TRDN: variants seen among roughly 807,000 people sequenced by gnomAD.
TRDN encodes triadin in skeletal muscle.
Under a neutral mutation model 149.7 loss-of-function variants are expected in TRDN, and 161 were observed. The observed-to-expected ratio is 1.08, with a 90% CI of 0.95 to 1.23. The LOEUF (loss-of-function observed/expected upper bound fraction) is 1.23. Among genes scored for constraint, TRDN ranks in the 50% most tolerant of loss-of-function variants. The pLI, the probability that TRDN is intolerant of heterozygous loss-of-function variation, is 0.00. For missense variants in TRDN, 896 were observed against 823.5 expected (o/e 1.09, Z -1.08); for synonymous variants, 294 against 250.5 (o/e 1.17, Z -1.64).
At chr6:123,261,749 T>A (rs1776778954) in intron 33 of TRDN, among the ~76,000 whole-genome samples, 1 of 151,886 alleles carries the variant, frequency 6.6e-6, no homozygotes, top group South Asian at 2.1e-4. Flanking sequence ...ATATAGTACT[T>A]TAAAATGGCT....
At position 123,352,428 on chromosome 6, in the gene TRDN, A is replaced by T. The variant is rs192602935; in HGVS notation, c.1369+111T>A. ...AAAACATGCAAGGACAGTGATAAAG[A>T]GTAATAGACTTAAAGGTTATTGTCT... On this transcript the variant is annotated intron_variant, in intron 21 of 40. Transcript: ENST00000334268. The T allele has an allele frequency of 5.4e-6, 8 of 1,482,750 alleles. No homozygotes were observed. In the Admixed American group the frequency reaches 1.3e-4, roughly 25 times the overall value. 91.8% of individuals were successfully genotyped at this position (1,482,750 alleles called of 1,614,324 possible).
chr6:123,311,834 A>G (rs1483177682), intron 24 of TRDN, among the ~76,000 whole-genome samples: 4 of 152,002 alleles, frequency 2.6e-5, no homozygotes, highest in Admixed American at 6.6e-5. Flanking sequence ...GATGTTGTGC[A>G]TGACTTCACA....
At chr6:123,534,466 C>A (rs371506114) in intron 4 of TRDN, among the ~76,000 whole-genome samples, 2 of 152,106 alleles carry the variant, frequency 1.3e-5, no homozygotes, top group African/African-American at 4.8e-5. Flanking sequence ...CTCCACATGG[C>A]GTGCCAGTTC....
intron 12 of TRDN, among the ~76,000 whole-genome samples, chr6:123,417,687 CA>C (rs1773712807): frequency 6.6e-6 from 1 of 152,162 alleles, no homozygotes; most frequent in Admixed American, 6.5e-5. Flanking sequence ...CACATGCATT[CA>C]ACCTGTGCAA....
intron 38 of TRDN, among the ~76,000 whole-genome samples, chr6:123,251,018 T>A (rs576819913): frequency 8.5e-5 from 13 of 152,272 alleles, no homozygotes; most frequent in East Asian, 3.9e-4. Flanking sequence ...AAGGCAAAAA[T>A]CTTGGCATTA....
At chr6:123,350,351 G>A (rs1490490034) in intron 21 of TRDN, 2 of 944,954 alleles carry the variant, frequency 2.1e-6, no homozygotes, top group East Asian at 2.3e-4. Flanking sequence ...AGATCACAAA[G>A]TGTACTTAAA....
At chr6:123,379,641 T>C (rs1213850060) in intron 16 of TRDN, among the ~76,000 whole-genome samples, 1 of 152,132 alleles carries the variant, frequency 6.6e-6, no homozygotes, top group Non-Finnish European at 1.5e-5. Flanking sequence ...CTCAATCTTA[T>C]CAGAAAGCTG....
chr6:123,343,046 A>G (rs1780122392), intron 21 of TRDN, among the ~76,000 whole-genome samples: 1 of 152,094 alleles, frequency 6.6e-6, no homozygotes, highest in South Asian at 2.1e-4. Context: ...ATGATTAGCC[A>G]TTTTCCAATT....
At chr6:123,558,792 C>T (rs552783138) in intron 2 of TRDN, among the ~76,000 whole-genome samples, 1 of 152,314 alleles carries the variant, frequency 6.6e-6, no homozygotes, top group East Asian at 1.9e-4. Context: ...TTCTGAGTTG[C>T]AATTCCTTGC....
chr6:123,585,676 A>T (rs540177149), intron 1 of TRDN, among the ~76,000 whole-genome samples: 1 of 152,294 alleles, frequency 6.6e-6, no homozygotes, highest in African/African-American at 2.4e-5. Context: ...GGTTCCGTAC[A>T]GATGGGACGT....
chr6:123,512,772 A>G (rs967383264), intron 6 of TRDN, among the ~76,000 whole-genome samples: 1 of 150,196 alleles, frequency 6.7e-6, no homozygotes, highest in East Asian at 1.9e-4. Context: ...TTCAATATTT[A>G]CATACTATTT....
chr6:123,255,095 T>C lies in TRDN; in HGVS notation c.1937A>G (p.His646Arg). The stretch of plus-strand genomic sequence containing the variant: ...TTCAAGATTACCTTTTGTCACATTG[T>C]GTAATTGAAGACTTTCTTTTCTTGT... ...VSTRKESLQL[H>R]NVTKAEKPAR... Residue 646 changes from histidine to arginine, a missense_variant, in exon 37 of 41, where the codon CAC becomes CGC. Physicochemically the swap from His to Arg is conservative, Grantham distance 29. Transcript: ENST00000334268. The C allele has an allele frequency of 7.2e-7, 1 of 1,380,650 alleles. No homozygotes were observed. Among genetic ancestry groups the C allele is most frequent in the Non-Finnish European group, 9.9e-7 (1 of 1,013,690 alleles). 85.5% of individuals were successfully genotyped at this position (1,380,650 alleles called of 1,614,324 possible). A position where few individuals can be genotyped will look rare whatever the true frequency, so the allele number is the denominator to read the frequency against.
chr6:123,617,949 C>T (rs1785185559), intron 1 of TRDN, among the ~76,000 whole-genome samples: 1 of 152,026 alleles, frequency 6.6e-6, no homozygotes, highest in South Asian at 2.1e-4. Context: ...GTTGGCCAGG[C>T]TGGTCTCAAA....
Position 123,454,173 on chromosome 6 carries a change from T to C in TRDN, c.931+10733A>G, listed in dbSNP as rs563588677. 7.2e-5 allele frequency among the ~76,000 whole-genome samples: 11 copies of C among 152,016 alleles called. No homozygotes were observed. The South Asian group carries it at 2.1e-3, about 29-fold the overall frequency. On this transcript the variant is annotated intron_variant, in intron 10 of 40. Coordinates refer to ENST00000334268, the MANE Select transcript of TRDN (RefSeq NM_006073.4). ...GAGGGACAAAAGACTACAAATACGG[T>C]GCAGTGTATACTTCTCGGATGATGG...
At chr6:123,226,349 T>C (rs1775365790) in intron 38 of TRDN, among the ~76,000 whole-genome samples, 1 of 151,906 alleles carries the variant, frequency 6.6e-6, no homozygotes, top group Non-Finnish European at 1.5e-5. Flanking sequence ...TTAATTCCTA[T>C]GAAAGTTCTG....
At chr6:123,251,551 C>T (rs1032211922) in intron 38 of TRDN, among the ~76,000 whole-genome samples, 2 of 151,374 alleles carry the variant, frequency 1.3e-5, no homozygotes, top group African/African-American at 4.8e-5. Flanking sequence ...TTTAATGTGT[C>T]AACTAGAAAA....
chr6:123,273,097 A>T, intron 28 of TRDN, 86 bp from the exon 29 acceptor site: 1 of 891,048 alleles, frequency 1.1e-6, no homozygotes, highest in Non-Finnish European at 1.6e-6. Flanking sequence ...GCCCATAGAG[A>T]AAAAATATTC....
intron 2 of TRDN, among the ~76,000 whole-genome samples, chr6:123,550,906 T>C (rs532414387): frequency 1.3e-5 from 2 of 151,870 alleles, no homozygotes; most frequent in Non-Finnish European, 2.9e-5. Context: ...AATGGTGAGA[T>C]TAAACCTTAG....
intron 19 of TRDN, among the ~76,000 whole-genome samples, chr6:123,374,808 A>T (rs566403132): frequency 1.3e-5 from 2 of 152,084 alleles, no homozygotes; most frequent in Admixed American, 6.6e-5. Context: ...AACAAACAAA[A>T]AAAAACCTCA....
Sources: gnomAD v4.1 joint callset for allele counts (sites outside exome capture counted in the v4.1 genomes callset) on GRCh38, gnomAD v4.1.1 for gene constraint, MANE v1.5 for transcripts, NCBI Gene and HGNC (gene_info 2026-07-23, HGNC 2026-07-21) for gene names.